The following MILR1 variants were observed in gnomAD, a reference collection of about 807,000 sequenced individuals.
The protein encoded by MILR1 is allergin-1.
MILR1 carries 31 observed loss-of-function variants against 18.5 expected under a neutral mutation model. The ratio of observed to expected loss-of-function variants is 1.68; its 90% CI spans 1.26 to 2.26. The LOEUF (loss-of-function observed/expected upper bound fraction) is 2.26. Ranked by LOEUF, MILR1 falls within the 30% of genes most tolerant of loss-of-function variation. MILR1 has a pLI of 0.00. For synonymous variants in MILR1, 85 were observed against 56.2 expected (o/e 1.51, Z -2.30); for missense variants, 257 against 157.4 (o/e 1.63, Z -3.38).
chr17:64,459,981 A>T (rs8082507), intron 4 of MILR1, among the ~76,000 whole-genome samples: 10,526 of 131,470 alleles, frequency 0.08, 530 homozygotes, highest in East Asian at 0.14. Flanking sequence ...TATTATTTTT[A>T]TTTTATTTTA....
the MILR1 span, chr17:64,484,054 A>G: frequency 1.3e-5 from 2 of 152,184 alleles, no homozygotes; most frequent in Non-Finnish European, 2.9e-5. Flanking sequence ...AAACATTTTA[A>G]TGCCTCTGAT....
chr17:64,467,213 G>A (rs774483724), intron 8 of MILR1, among the ~76,000 whole-genome samples: 11 of 150,824 alleles, frequency 7.3e-5, no homozygotes, highest in African/African-American at 1.2e-4. Flanking sequence ...TGAAGCAGTC[G>A]TCCCACCTTA....
At chr17:64,454,751 T>C (rs1394520110) in intron 3 of MILR1, among the ~76,000 whole-genome samples, 2 of 152,168 alleles carry the variant, frequency 1.3e-5, no homozygotes, top group Non-Finnish European at 2.9e-5. Flanking sequence ...CCCAGCACTT[T>C]GTGAGGCTGA....
chr17:64,451,903 G>T (rs1293591811), intron 2 of MILR1, among the ~76,000 whole-genome samples: 1 of 151,564 alleles, frequency 6.6e-6, no homozygotes, highest in Non-Finnish European at 1.5e-5. Flanking sequence ...CTGCGCTCCA[G>T]CCTGGGCAAC....
chr17:64,453,536 C>CTTT lies in MILR1; in HGVS notation c.367+689_367+691dup, dbSNP rs35572128. Among the ~76,000 whole-genome samples the CTTT allele has an allele frequency of 2.4e-3, 245 of 101,018 alleles. 10 individuals are homozygous for CTTT. Among genetic ancestry groups the CTTT allele is most frequent in the Middle Eastern group, 9.3e-3 (2 of 214 alleles). The allele number at this position is 101,018 out of a possible 152,430, so 66.3% of individuals were successfully genotyped here. A position where few individuals can be genotyped will look rare whatever the true frequency, so the allele number is the denominator to read the frequency against. ...ATTCCCATTGTGTGGGCAAAAATCG[C>CTTT]TTTTTTTTTTTTTTTTTTTTTCTGA... is the stretch of plus-strand genomic sequence containing the variant. On this transcript the variant is annotated intron_variant, in intron 3 of 9. Coordinates refer to ENST00000619286, the MANE Select transcript of MILR1 (RefSeq NM_001085423.2).
At position 64,468,084 on chromosome 17, in the gene MILR1, G is replaced by A. The variant is rs1329480628; in HGVS notation, c.*29-226G>A. 3.0e-5 allele frequency: 11 copies of A among 366,402 alleles called. No individual in the cohort carries two copies. The East Asian group carries it at 5.9e-4, about 20-fold the overall frequency. 22.7% of individuals were successfully genotyped at this position (366,402 alleles called of 1,614,324 possible). ...AGTTGAGTTGTGGGGGAGGGAGAAT[G>A]TTTTAGTCCCCTAGGGCTGCTGCCA... On this transcript the variant is annotated intron_variant, in intron 9 of 9. Transcript: ENST00000619286.
chr17:64,487,145 T>C, the MILR1 span: 1 of 152,130 alleles, frequency 6.6e-6, no homozygotes, highest in Non-Finnish European at 1.5e-5. Context: ...TTATTCATGA[T>C]CAACCACAGT....
chr17:64,451,878 G>A (rs1345217603), intron 2 of MILR1, among the ~76,000 whole-genome samples: 4 of 151,724 alleles, frequency 2.6e-5, no homozygotes, highest in African/African-American at 7.3e-5. Flanking sequence ...GCTGTGGTGA[G>A]TCAAGATGGT....
chr17:64,465,396 A>G (rs1035425230), intron 5 of MILR1, 56 bp from the exon 6 acceptor site: 1 of 1,256,706 alleles, frequency 8.0e-7, no homozygotes, highest in South Asian at 1.3e-5. Context: ...GGCCGAGGAG[A>G]TGAGAAAAAT....
At chr17:64,481,526 A>C in the MILR1 span, 10 of 445,326 alleles carry the variant, frequency 2.2e-5, no homozygotes. Context: ...AAATCAAAAT[A>C]AAATTATAGA....
chr17:64,480,364 A>G, the MILR1 span: 2 of 1,587,196 alleles, frequency 1.3e-6, no homozygotes, highest in Non-Finnish European at 1.7e-6. Context: ...ATTTTCTAGT[A>G]ACTCATTAAA....
chr17:64,491,668 A>G, the MILR1 span: 1 of 1,299,294 alleles, frequency 7.7e-7, no homozygotes, highest in South Asian at 1.2e-5. Context: ...TACAACAAGT[A>G]CATCAACGTG....
the MILR1 span, among the ~76,000 whole-genome samples, chr17:64,486,203 A>C: frequency 6.6e-6 from 1 of 152,146 alleles, no homozygotes; most frequent in Non-Finnish European, 1.5e-5. Context: ...GCGAGGCCCA[A>C]ATGTGAATTT....
chr17:64,465,607 G>A, intron 6 of MILR1, 66 bp downstream of exon 6: 2 of 1,522,576 alleles, frequency 1.3e-6, no homozygotes, highest in Non-Finnish European at 1.8e-6. Context: ...TGTTAAGGTT[G>A]TACAGACATA....
At chr17:64,472,465 CA>C (rs71158332), downstream of MILR1, among the ~76,000 whole-genome samples, 155 of 13,882 alleles carry the variant, frequency 0.011, no homozygotes, top group Non-Finnish European at 0.016. Context: ...GACTCCATCT[CA>C]AAAAAAAAAA....
In MILR1 at chr17:64,462,546, G is replaced by A. The variant is rs1395736979; in HGVS notation, c.763+1614G>A. 2.6e-5 allele frequency among the ~76,000 whole-genome samples: 4 copies of A among 152,018 alleles called. No homozygotes were observed. The East Asian group carries it at 7.7e-4, about 29-fold the overall frequency. ...TTAGCACAAAAGACACCTTCAAAAG[G>A]TTTACAATTGTTTGGGGCTGGAAGT... On this transcript the variant is annotated intron_variant, in intron 5 of 9. Transcript: ENST00000619286.
intron 2 of MILR1, among the ~76,000 whole-genome samples, chr17:64,449,660 G>A (rs2037121210): frequency 2.0e-5 from 3 of 152,104 alleles, no homozygotes; most frequent in Non-Finnish European, 2.9e-5. Context: ...CACAGGCTGG[G>A]TGTGGTGCCT....
the MILR1 span, among the ~76,000 whole-genome samples, chr17:64,489,681 C>T: frequency 3.3e-5 from 5 of 151,764 alleles, no homozygotes; most frequent in Non-Finnish European, 7.4e-5. Flanking sequence ...TGCTTGAGCT[C>T]AAGAGTTTGA....
At chr17:64,483,660 TAC>T in the MILR1 span, among the ~76,000 whole-genome samples, 1 of 151,950 alleles carries the variant, frequency 6.6e-6, no homozygotes, top group Non-Finnish European at 1.5e-5. Context: ...TGTCAAAACC[TAC>T]TGTTCTTCTC....
Sources: allele counts gnomAD v4.1 joint callset (sites outside exome capture counted in the v4.1 genomes callset), GRCh38; gene constraint gnomAD v4.1.1; transcripts MANE v1.5; gene names NCBI Gene and HGNC (gene_info 2026-07-23, HGNC 2026-07-21).